The following FAM3C variants were observed in gnomAD, a reference collection of about 807,000 sequenced individuals.
The protein encoded by FAM3C is protein FAM3C.
A neutral mutation model predicts 32.5 loss-of-function variants in FAM3C; 15 were observed. The observed-to-expected ratio is 0.46, with a 90% CI of 0.31 to 0.71. The LOEUF (loss-of-function observed/expected upper bound fraction) is 0.71. FAM3C is among the 30% of genes least tolerant of loss of function. The pLI is 0.05. For missense variants in FAM3C, 175 were observed against 274.4 expected (o/e 0.64, Z 2.56); for synonymous variants, 75 against 86.1 (o/e 0.87, Z 0.72).
In FAM3C at chr7:121,371,342, G is replaced by A; in HGVS notation, c.230C>T (p.Ala77Val). The change falls in exon 5 of 10, where the codon GCA becomes GTA. Residue 77 changes from alanine to valine, a missense_variant. By Grantham distance (64) the Ala-to-Val change is moderately conservative. Transcript: ENST00000359943. ...KHFAFKMASG[A>V]ANVVGPKICL... ...GATTTTGGGTCCCACCACGTTGGCT[G>A]CTCCACTTGCCATTTTAAAAGCAAA... The A allele has an allele frequency of 6.2e-7, 1 of 1,613,736 alleles. No individual in the cohort carries two copies. The highest frequency in any genetic ancestry group is 8.5e-7 in the Non-Finnish European group (1 of 1,179,894).
At chr7:121,376,307 T>C (rs143869832) in intron 3 of FAM3C, among the ~76,000 whole-genome samples, 8 of 152,298 alleles carry the variant, frequency 5.3e-5, no homozygotes, top group Admixed American at 5.2e-4. Context: ...ATTCTGTTAC[T>C]GGAAAAGATG....
At chr7:121,386,994 T>C (rs1323901419) in intron 1 of FAM3C, among the ~76,000 whole-genome samples, 1 of 152,114 alleles carries the variant, frequency 6.6e-6, no homozygotes, top group Non-Finnish European at 1.5e-5. Context: ...AAACTCTTTC[T>C]ATAAAAGGGC....
At chr7:121,388,293 G>A (rs1024284053) in intron 1 of FAM3C, among the ~76,000 whole-genome samples, 2 of 151,146 alleles carry the variant, frequency 1.3e-5, no homozygotes, top group African/African-American at 4.9e-5. Context: ...CTTCAGAGGT[G>A]GGTATGACTT....
chr7:121,387,857 C>A (rs536695259), intron 1 of FAM3C, among the ~76,000 whole-genome samples: 2 of 152,016 alleles, frequency 1.3e-5, no homozygotes, highest in East Asian at 3.9e-4. Flanking sequence ...TTCTAAAATT[C>A]CAAATATTTA....
At chr7:121,352,669 G>GCC (rs1793727800) in intron 8 of FAM3C, among the ~76,000 whole-genome samples, 1 of 152,214 alleles carries the variant, frequency 6.6e-6, no homozygotes, top group Admixed American at 6.5e-5. Context: ...CAGTTCCTCT[G>GCC]CAGCTTCGTT....
intron 3 of FAM3C, among the ~76,000 whole-genome samples, chr7:121,376,670 G>A (rs1000115553): frequency 9.2e-5 from 14 of 152,138 alleles, no homozygotes; most frequent in Admixed American, 2.6e-4. Flanking sequence ...TTCAGATTTT[G>A]AATTTTCTGA....
At chr7:121,373,974 C>T (rs1243833458) in intron 3 of FAM3C, among the ~76,000 whole-genome samples, 1 of 141,044 alleles carries the variant, frequency 7.1e-6, no homozygotes. Flanking sequence ...CCAGCCTGGG[C>T]GACAGAGCAA....
intron 8 of FAM3C, among the ~76,000 whole-genome samples, chr7:121,353,643 T>C (rs1298042981): frequency 5.3e-5 from 8 of 152,188 alleles, no homozygotes; most frequent in South Asian, 2.1e-4. Context: ...GGGAGTCTGG[T>C]ATTTTGCAAC....
chr7:121,373,474 T>G (rs994398888), intron 3 of FAM3C, among the ~76,000 whole-genome samples: 1 of 152,196 alleles, frequency 6.6e-6, no homozygotes, highest in Non-Finnish European at 1.5e-5. Context: ...CCTCCTCTCC[T>G]ACAACTATTT....
At chr7:121,377,920 C>G (rs1794271832) in intron 3 of FAM3C, among the ~76,000 whole-genome samples, 1 of 152,138 alleles carries the variant, frequency 6.6e-6, no homozygotes, top group Admixed American at 6.6e-5. Context: ...ACAAAAATCA[C>G]CGAATGATGC....
chr7:121,359,593 T>C (rs1243157190), intron 8 of FAM3C, among the ~76,000 whole-genome samples: 1 of 151,888 alleles, frequency 6.6e-6, no homozygotes, highest in Non-Finnish European at 1.5e-5. Flanking sequence ...TATACTATTT[T>C]AAGAAAAAGT....
At chr7:121,361,313 T>G (rs1342871686) in intron 7 of FAM3C, among the ~76,000 whole-genome samples, 2 of 152,164 alleles carry the variant, frequency 1.3e-5, no homozygotes. Flanking sequence ...ATGCCAAAGA[T>G]TTTCGATAAC....
intron 8 of FAM3C, among the ~76,000 whole-genome samples, chr7:121,353,174 TAGA>T (rs1562882211): frequency 6.6e-6 from 1 of 152,128 alleles, no homozygotes; most frequent in African/African-American, 2.4e-5. Context: ...CCCTGCAAAA[TAGA>T]AGGTTATCCA....
intron 5 of FAM3C, 54 bp from the exon 6 acceptor site, chr7:121,364,242 A>G (rs1793980731): frequency 1.7e-6 from 2 of 1,164,694 alleles, no homozygotes; most frequent in Non-Finnish European, 1.3e-6. Context: ...ACAATAACAT[A>G]TCAGAAAAAT....
intron 5 of FAM3C, among the ~76,000 whole-genome samples, chr7:121,369,215 A>T (rs1794092962): frequency 6.6e-6 from 1 of 152,012 alleles, no homozygotes; most frequent in African/African-American, 2.4e-5. Context: ...TCCTGACCTC[A>T]GGTGATCCAC....
intron 3 of FAM3C, 129 bp from the exon 4 acceptor site, chr7:121,372,268 C>A: frequency 1.8e-6 from 1 of 570,258 alleles, no homozygotes; most frequent in South Asian, 3.0e-5. Flanking sequence ...ACATGAATAT[C>A]ACTTAAGAAA....
intron 1 of FAM3C, among the ~76,000 whole-genome samples, chr7:121,386,116 T>C (rs887899915): frequency 1.4e-4 from 22 of 152,182 alleles, no homozygotes; most frequent in Non-Finnish European, 4.4e-5. Context: ...TTCAACAGTA[T>C]GGCAAAATGA....
At chr7:121,368,844 C>G (rs1794079510) in intron 5 of FAM3C, among the ~76,000 whole-genome samples, 1 of 152,002 alleles carries the variant, frequency 6.6e-6, no homozygotes, top group Non-Finnish European at 1.5e-5. Flanking sequence ...GTCTTAGAAA[C>G]TGTTCCATAA....
At chr7:121,382,924 G>A (rs1794386263) in intron 2 of FAM3C, 33 bp downstream of exon 2, 1 of 1,540,792 alleles carries the variant, frequency 6.5e-7, no homozygotes, top group Non-Finnish European at 8.9e-7. Context: ...TACACAAAAA[G>A]TACAATTACT....
Sources: gnomAD v4.1 joint callset for allele counts (sites outside exome capture counted in the v4.1 genomes callset) on GRCh38, gnomAD v4.1.1 for gene constraint, MANE v1.5 for transcripts, NCBI Gene and HGNC (gene_info 2026-07-23, HGNC 2026-07-21) for gene names.